Variants in GALNT13 observed in about 807,000 individuals in gnomAD.
GALNT13 encodes the protein UDP-GalNAc:polypeptide N-acetylgalactosaminyltransferase 13.
GALNT13 carries 28 observed loss-of-function variants against 64.2 expected under a neutral mutation model. The ratio of observed to expected loss-of-function variants is 0.44; its 90% confidence interval spans 0.32 to 0.60. The LOEUF (loss-of-function observed/expected upper bound fraction) is 0.60, where lower values mean the gene tolerates loss of function less well. Ranked by LOEUF, GALNT13 falls within the 20% of genes least tolerant of loss-of-function variation. The probability of loss-of-function intolerance (pLI) is 0.05; values close to 1 mark genes in which losing one functional copy is unlikely to be tolerated. For missense variants in GALNT13, 577 were observed against 669.8 expected, an observed-to-expected ratio of 0.86 and a Z score of 1.53; for synonymous variants, 214 against 224.6, an observed-to-expected ratio of 0.95 and a Z score of 0.42.
At chr2:153,280,115 A>G in the GALNT13 span, among the ~76,000 whole-genome samples, 1 of 152,062 alleles carries the variant, frequency 6.6e-6, no homozygotes, top group African/African-American at 2.4e-5. Context: ...TGTTTCTAGG[A>G]ATGTATCCAT....
chr2:153,191,931 G>A, the GALNT13 span, among the ~76,000 whole-genome samples: 2 of 151,360 alleles, frequency 1.3e-5, no homozygotes, highest in African/African-American at 2.4e-5. Flanking sequence ...ATTTTATTTG[G>A]GTTTTCTCTT....
chr2:153,763,037 C>T, the GALNT13 span, among the ~76,000 whole-genome samples: 1 of 151,336 alleles, frequency 6.6e-6, no homozygotes, highest in Non-Finnish European at 1.5e-5. Flanking sequence ...TTTATTATAC[C>T]CACATTTTAT....
chr2:153,834,141 G>A, the GALNT13 span, among the ~76,000 whole-genome samples: 1 of 152,068 alleles, frequency 6.6e-6, no homozygotes, highest in Non-Finnish European at 1.5e-5. Context: ...GCTGTTTTTA[G>A]TTAGGCGGGT....
the GALNT13 span, among the ~76,000 whole-genome samples, chr2:153,635,538 T>A: frequency 6.6e-6 from 1 of 151,554 alleles, no homozygotes; most frequent in African/African-American, 2.4e-5. Context: ...GTAAGAAATT[T>A]TGTGATACTA....
At chr2:153,289,747 G>T in the GALNT13 span, among the ~76,000 whole-genome samples, 23 of 152,224 alleles carry the variant, frequency 1.5e-4, no homozygotes, top group Admixed American at 1.5e-3. Flanking sequence ...GATGAATGCA[G>T]TGGGAAGGAG....
the GALNT13 span, among the ~76,000 whole-genome samples, chr2:153,323,455 T>C: frequency 6.6e-6 from 1 of 152,318 alleles, no homozygotes; most frequent in East Asian, 1.9e-4. Context: ...TTCACTCTGA[T>C]GATAATTTCT....
At chr2:153,646,155 T>C in the GALNT13 span, among the ~76,000 whole-genome samples, 1 of 152,088 alleles carries the variant, frequency 6.6e-6, no homozygotes, top group South Asian at 2.1e-4. Context: ...TTTATTGTTC[T>C]TCCTCTGTAC....
At chr2:153,777,844 G>C in the GALNT13 span, among the ~76,000 whole-genome samples, 1 of 152,164 alleles carries the variant, frequency 6.6e-6, no homozygotes, top group East Asian at 1.9e-4. Context: ...GCTTGGGTTA[G>C]TCAGCTCAGT....
At chr2:153,138,970 A>G in the GALNT13 span, among the ~76,000 whole-genome samples, 54 of 152,196 alleles carry the variant, frequency 3.5e-4, no homozygotes, top group African/African-American at 1.3e-3. Context: ...ATTTGAGGAT[A>G]TGGAAATTTT....
At chr2:153,181,246 A>T in the GALNT13 span, among the ~76,000 whole-genome samples, 1 of 150,122 alleles carries the variant, frequency 6.7e-6, no homozygotes. Context: ...TTCTCTTTTA[A>T]TTTCTTCATT....
chr2:153,518,399 TAAAGATTTTATAAAA>T, the GALNT13 span, among the ~76,000 whole-genome samples: 2 of 152,108 alleles, frequency 1.3e-5, no homozygotes, highest in Non-Finnish European at 2.9e-5. Context: ...ATGGAGACTA[TAAAGATTTTATAAAA>T]ATGAGAATGA....
the GALNT13 span, among the ~76,000 whole-genome samples, chr2:153,448,483 G>C: frequency 6.6e-6 from 1 of 152,004 alleles, no homozygotes; most frequent in Non-Finnish European, 1.5e-5. Context: ...AGATATTTCT[G>C]GTGATAAATT....
chr2:153,732,183 C>T, the GALNT13 span, among the ~76,000 whole-genome samples: 2 of 151,876 alleles, frequency 1.3e-5, no homozygotes, highest in African/African-American at 2.4e-5. Flanking sequence ...ATCCTAAATC[C>T]ATAGTAGGTC....
downstream of GALNT13, among the ~76,000 whole-genome samples, chr2:154,456,238 A>C (rs59796254): frequency 6.8e-6 from 1 of 147,206 alleles, no homozygotes; most frequent in Non-Finnish European, 1.5e-5. Context: ...CCACAGCTAG[A>C]AAGGAGTAAT....
intron 11 of GALNT13, among the ~76,000 whole-genome samples, chr2:154,411,317 TACACACACACACAC>T (rs59114913): frequency 4.7e-5 from 7 of 147,764 alleles, no homozygotes; most frequent in African/African-American, 7.5e-5. Flanking sequence ...TAATTGCACA[TACACACACACACAC>T]ACACACACAC....
chr2:153,106,695 A>G, the GALNT13 span, among the ~76,000 whole-genome samples: 1 of 152,174 alleles, frequency 6.6e-6, no homozygotes. Context: ...CTGAGCCTAT[A>G]GGATTAGGAG....
At chr2:154,360,523 C>T (rs541291541) in intron 9 of GALNT13, among the ~76,000 whole-genome samples, 28 of 152,134 alleles carry the variant, frequency 1.8e-4, no homozygotes, top group Non-Finnish European at 3.4e-4. Context: ...GTGCTGCTTT[C>T]GCAGAAAAGC....
the GALNT13 span, among the ~76,000 whole-genome samples, chr2:153,770,937 A>G: frequency 6.6e-6 from 1 of 152,170 alleles, no homozygotes; most frequent in Non-Finnish European, 1.5e-5. Flanking sequence ...GAAGACCTAC[A>G]TTGCCCTAAG....
the GALNT13 span, chr2:153,478,236 T>G: frequency 6.2e-7 from 1 of 1,606,854 alleles, no homozygotes; most frequent in Non-Finnish European, 8.5e-7. Context: ...AGAGGGCGGG[T>G]CAGTAGGGCC....
Sources: allele counts gnomAD v4.1 joint callset (sites outside exome capture counted in the v4.1 genomes callset), GRCh38; gene constraint gnomAD v4.1.1; transcripts MANE v1.5; gene names NCBI Gene and HGNC (gene_info 2026-07-23, HGNC 2026-07-21).